Variants in SLC25A24 observed in about 807,000 individuals in gnomAD.
The protein encoded by SLC25A24 is mitochondrial adenyl nucleotide antiporter SLC25A24.
Under a neutral mutation model 60.7 loss-of-function variants are expected in SLC25A24, and 49 were observed. That is an observed-to-expected ratio of 0.81 (90% confidence interval 0.64 to 1.02). The LOEUF is 1.02. Ranked by LOEUF, SLC25A24 falls within the 50% of genes least tolerant of loss-of-function variation. SLC25A24 has a pLI of 0.00. For synonymous variants in SLC25A24, 202 were observed against 200.6 expected, an observed-to-expected ratio of 1.01 and a Z score of -0.06; for missense variants, 564 against 586.3, an observed-to-expected ratio of 0.96 and a Z score of 0.39.
intron 8 of SLC25A24, among the ~76,000 whole-genome samples, chr1:108,139,855 G>A (rs1571275845): frequency 6.6e-6 from 1 of 151,884 alleles, no homozygotes; most frequent in Non-Finnish European, 1.5e-5. Flanking sequence ...CAGGTGATCC[G>A]CCCGCCTCGG....
At chr1:108,159,195 G>C (rs562411782) in intron 4 of SLC25A24, among the ~76,000 whole-genome samples, 1 of 152,232 alleles carries the variant, frequency 6.6e-6, no homozygotes, top group East Asian at 1.9e-4. Flanking sequence ...AGCAGATGAA[G>C]CAAAAAGATT....
chr1:108,155,210 C>A, intron 5 of SLC25A24, 75 bp from the exon 6 acceptor site: 1 of 1,301,888 alleles, frequency 7.7e-7, no homozygotes, highest in Non-Finnish European at 1.1e-6. Context: ...ACCACACAAT[C>A]TTTTTCAATA....
Position 108,194,555 on chromosome 1 carries a change from A to C in SLC25A24, c.183+5401T>G, listed in dbSNP as rs922387859. Among the ~76,000 whole-genome samples, 3 of 144,186 alleles carry C rather than the reference A, an allele frequency of 2.1e-5. 1 individual carries two copies. The highest frequency in any genetic ancestry group is 4.6e-5 in the Non-Finnish European group (3 of 65,610). The allele number at this position is 144,186 out of a possible 152,430, so 94.6% of individuals were successfully genotyped here. A position where few individuals can be genotyped will look rare whatever the true frequency, so the allele number is the denominator to read the frequency against. On this transcript the variant is annotated intron_variant, in intron 1 of 9. Coordinates refer to ENST00000565488, the MANE Select transcript of SLC25A24 (RefSeq NM_013386.5). Reference sequence around the variant, plus strand: ...CAGAATTGACAGGAGAGAACAAACCATAGAGTTGAGAGTTTCATCTAATAA... The same window carrying C: ...CAGAATTGACAGGAGAGAACAAACCCTAGAGTTGAGAGTTTCATCTAATAA...
chr1:108,157,795 A>G (rs1200625602), intron 4 of SLC25A24, among the ~76,000 whole-genome samples, 175 bp from the exon 5 acceptor site: 1 of 152,250 alleles, frequency 6.6e-6, no homozygotes, highest in Non-Finnish European at 1.5e-5. Flanking sequence ...CAATGAACAA[A>G]GTACAGTATC....
intron 3 of SLC25A24, among the ~76,000 whole-genome samples, chr1:108,180,089 T>G (rs828983): frequency 0.015 from 2,247 of 152,068 alleles, 51 homozygotes; most frequent in African/African-American, 0.051. Flanking sequence ...GCTGGCTAGG[T>G]GCGGTGGCTC....
intron 3 of SLC25A24, among the ~76,000 whole-genome samples, chr1:108,176,770 C>A (rs1647687929): frequency 6.6e-6 from 1 of 152,024 alleles, no homozygotes; most frequent in African/African-American, 2.4e-5. Context: ...GGTAATGTAC[C>A]CAGCAAAGTG....
chr1:108,134,945 T>C lies in SLC25A24; in HGVS notation c.*1708A>G, dbSNP rs1010629914. On this transcript the variant is annotated 3_prime_UTR_variant, in exon 10 of 10. Coordinates refer to ENST00000565488, the MANE Select transcript of SLC25A24 (RefSeq NM_013386.5). ...ATACAGAATCATTTTTTGGAAAAGA[T>C]ACAAGATGTACAGACAAATCACATT... 1.3e-5 allele frequency: 2 copies of C among 152,180 alleles called. No homozygotes were observed. Among genetic ancestry groups the C allele is most frequent in the Admixed American group, 6.5e-5 (1 of 15,272 alleles). The allele number at this position is 152,180 out of a possible 1,614,324, so 9.4% of individuals were successfully genotyped here. A position where few individuals can be genotyped will look rare whatever the true frequency, so the allele number is the denominator to read the frequency against.
In SLC25A24 at chr1:108,143,693, C is replaced by A. The variant is rs1679509291; in HGVS notation, c.948G>T (p.Leu316=). 6.2e-7 allele frequency: 1 copy of A among 1,609,788 alleles called. No individual in the cohort carries two copies. Among genetic ancestry groups the A allele is most frequent in the Admixed American group, 1.7e-5 (1 of 59,204 alleles). The change falls in exon 8 of 10, where the codon CTG becomes CTT. Residue 316 remains leucine, a synonymous_variant. Coordinates refer to ENST00000565488, the MANE Select transcript of SLC25A24 (RefSeq NM_013386.5). Reference sequence around the variant, plus strand: ...AGTACTGCCCAGTTTTGCCTACAGCCAGCCTGGTTTTCATAACCTGGATAT... The same window carrying A: ...AGTACTGCCCAGTTTTGCCTACAGCAAGCCTGGTTTTCATAACCTGGATAT... ...IYPMEVMKTR[L]AVGKTGQYSG...
intron 3 of SLC25A24, among the ~76,000 whole-genome samples, chr1:108,181,255 A>G (rs1026189830): frequency 6.6e-6 from 1 of 152,014 alleles, no homozygotes; most frequent in African/African-American, 2.4e-5. Context: ...AGACAATGTG[A>G]GGACTGAAAA....
intron 9 of SLC25A24, 38 bp from the exon 10 acceptor site, chr1:108,136,875 T>A (rs1206173558): frequency 6.5e-7 from 1 of 1,535,340 alleles, no homozygotes; most frequent in South Asian, 1.1e-5. Flanking sequence ...AATATTCAAG[T>A]ATGTTTCATT....
intron 1 of SLC25A24, among the ~76,000 whole-genome samples, chr1:108,195,717 G>C (rs1429319216): frequency 6.6e-6 from 1 of 152,108 alleles, no homozygotes; most frequent in Non-Finnish European, 1.5e-5. Context: ...TAAGGAAATG[G>C]GCTGGCCATG....
At chr1:108,172,251 A>G (rs907595834) in intron 3 of SLC25A24, among the ~76,000 whole-genome samples, 1 of 152,198 alleles carries the variant, frequency 6.6e-6, no homozygotes, top group African/African-American at 2.4e-5. Flanking sequence ...GCTATATTTC[A>G]ACTCAGTGAC....
At chr1:108,154,839 C>G (rs887164582) in intron 6 of SLC25A24, 144 bp downstream of exon 6, 5 of 506,452 alleles carry the variant, frequency 9.9e-6, no homozygotes, top group Non-Finnish European at 1.7e-5. Context: ...GTCTAATCTC[C>G]TATAAGTGAT....
chr1:108,194,948 A>G (rs1053950206), intron 1 of SLC25A24, among the ~76,000 whole-genome samples: 2 of 152,248 alleles, frequency 1.3e-5, no homozygotes, highest in African/African-American at 4.8e-5. Context: ...TCCACAGCCT[A>G]TAATAATAAC....
At chr1:108,145,370 C>G (rs975983490) in intron 7 of SLC25A24, among the ~76,000 whole-genome samples, 3 of 152,108 alleles carry the variant, frequency 2.0e-5, no homozygotes, top group Non-Finnish European at 4.4e-5. Flanking sequence ...GTTGCCGGTT[C>G]ACTCTGATGA....
At chr1:108,174,147 CA>C (rs1647581161) in intron 3 of SLC25A24, among the ~76,000 whole-genome samples, 1 of 152,194 alleles carries the variant, frequency 6.6e-6, no homozygotes, top group African/African-American at 2.4e-5. Flanking sequence ...AAAATGCCTC[CA>C]GGGCACTTCA....
chr1:108,185,813 A>G lies in SLC25A24; in HGVS notation c.310+15T>C. 6.3e-7 allele frequency: 1 copy of G among 1,575,610 alleles called. No homozygotes were observed. ...CTTCTTCATAGCTGGTGATAAATAC[A>G]AAAGAAAGACACACCATCATTATTT... is the stretch of plus-strand genomic sequence containing the variant. On this transcript the variant is annotated intron_variant, in intron 2 of 9. Transcript: ENST00000565488.
rs61203492 is a variant in SLC25A24, at chr1:108,190,693, C to CTTT, written c.184-4742_184-4740dup. ...TAACACGACAATGTAAGTATCATTT[C>CTTT]TTTTTTTTTTTTTTAATCAGTTGAG... On this transcript the variant is annotated intron_variant, in intron 1 of 9. Coordinates refer to ENST00000565488, the MANE Select transcript of SLC25A24 (RefSeq NM_013386.5). Among the ~76,000 whole-genome samples, 39 of 128,756 alleles carry CTTT rather than the reference C, an allele frequency of 3.0e-4. 2 individuals are homozygous for CTTT. Among genetic ancestry groups the CTTT allele is most frequent in the Middle Eastern group, 3.8e-3 (1 of 264 alleles). 84.5% of individuals were successfully genotyped at this position (128,756 alleles called of 152,430 possible).
intron 3 of SLC25A24, among the ~76,000 whole-genome samples, chr1:108,181,109 G>T (rs1338979821): frequency 1.3e-5 from 2 of 152,144 alleles, no homozygotes; most frequent in Non-Finnish European, 2.9e-5. Context: ...TACGTGCTCA[G>T]CCTTGAGACT....
Sources: allele counts gnomAD v4.1 joint callset (sites outside exome capture counted in the v4.1 genomes callset), GRCh38; gene constraint gnomAD v4.1.1; transcripts MANE v1.5; gene names NCBI Gene and HGNC (gene_info 2026-07-23, HGNC 2026-07-21).